The following PPP2R5C variants were observed in gnomAD, a reference collection of about 807,000 sequenced individuals.
PPP2R5C encodes the protein protein phosphatase 2 regulatory subunit B'gamma.
Under a neutral mutation model 68.9 loss-of-function variants are expected in PPP2R5C, and 7 were observed. The ratio of observed to expected loss-of-function variants is 0.10; its 90% CI spans 0.06 to 0.19. The LOEUF (loss-of-function observed/expected upper bound fraction) is 0.19, where lower values mean the gene tolerates loss of function less well. PPP2R5C is among the 10% of genes least tolerant of loss of function. PPP2R5C has a pLI of 1.00. For synonymous variants in PPP2R5C, 210 were observed against 222.2 expected (o/e 0.95, Z 0.49); for missense variants, 348 against 641.3 (o/e 0.54, Z 4.94).
intron 2 of PPP2R5C, among the ~76,000 whole-genome samples, chr14:101,876,555 T>C (rs1254413854): frequency 1.3e-5 from 2 of 152,256 alleles, no homozygotes; most frequent in Non-Finnish European, 2.9e-5. Context: ...TGCTGAATTG[T>C]AAGAATTTTC....
chr14:101,882,113 A>G lies in PPP2R5C; in HGVS notation c.295-48A>G, dbSNP rs368687967. 4 of 1,418,242 alleles carry G rather than the reference A, an allele frequency of 2.8e-6. No homozygotes were observed. Among genetic ancestry groups the G allele is most frequent in the African/African-American group, 2.9e-5 (2 of 69,612 alleles). 87.9% of individuals were successfully genotyped at this position (1,418,242 alleles called of 1,614,324 possible). ...TAAGACTTTATAAAATGTTGTCTGT[A>G]AATATTTTAAATGCCCTGATTGTAA... is the stretch of plus-strand genomic sequence containing the variant. On this transcript the variant is annotated intron_variant, in intron 2 of 13. Transcript: ENST00000334743. The surrounding 1 kb of genome is among the most constrained non-coding windows in gnomAD (Gnocchi z 4.9).
At chr14:101,836,497 G>C in intron 1 of PPP2R5C, 1 of 608,950 alleles carries the variant, frequency 1.6e-6, no homozygotes, top group Non-Finnish European at 3.0e-6. Flanking sequence ...TCTCATGCCA[G>C]GATCTGCAGA....
chr14:101,858,892 C>G (rs1013539135), intron 2 of PPP2R5C, among the ~76,000 whole-genome samples: 7 of 152,180 alleles, frequency 4.6e-5, no homozygotes, highest in Non-Finnish European at 7.4e-5. Context: ...GTTTGTATTT[C>G]ACAGTAGCAG....
upstream of PPP2R5C, among the ~76,000 whole-genome samples, chr14:101,761,322 C>T (rs894622365): frequency 2.0e-5 from 3 of 152,114 alleles, no homozygotes; most frequent in South Asian, 2.1e-4. Flanking sequence ...CTGTCTTGCG[C>T]CTCCACAGCG....
chr14:101,879,437 T>C lies in PPP2R5C; in HGVS notation c.295-2724T>C, dbSNP rs935308529. The stretch of plus-strand genomic sequence containing the variant: ...TACGGCTCCTGCTCTGGCCTCTGTA[T>C]CCCTGATGGGCAGCCCCAGAAACCT... On this transcript the variant is annotated intron_variant, in intron 2 of 13. Coordinates refer to ENST00000334743, the Ensembl canonical transcript of PPP2R5C. The surrounding 1 kb of genome is among the most constrained non-coding windows in gnomAD (Gnocchi z 4.2). 6.6e-6 allele frequency: 1 copy of C among 152,586 alleles called. No homozygotes were observed. The highest frequency in any genetic ancestry group is 1.5e-5 in the Non-Finnish European group (1 of 68,386). The allele number at this position is 152,586 out of a possible 1,614,324, so 9.5% of individuals were successfully genotyped here. A position where few individuals can be genotyped will look rare whatever the true frequency, so the allele number is the denominator to read the frequency against.
chr14:101,824,392 G>A (rs1223989362), intron 1 of PPP2R5C: 10 of 266,924 alleles, frequency 3.7e-5, no homozygotes, highest in Non-Finnish European at 7.5e-5. Flanking sequence ...GTGTACAATT[G>A]AAGTGATGTT....
intron 3 of PPP2R5C, among the ~76,000 whole-genome samples, chr14:101,800,653 A>T (rs979144776): frequency 7.9e-5 from 9 of 113,984 alleles, no homozygotes; most frequent in Non-Finnish European, 1.2e-4. Context: ...AGCAATACCA[A>T]AAAAAAAAAA....
At chr14:101,889,799 C>G (rs2044744327) in intron 5 of PPP2R5C, 1 of 362,734 alleles carries the variant, frequency 2.8e-6, no homozygotes, top group Non-Finnish European at 5.4e-6. Flanking sequence ...ATATTGCGGG[C>G]TTTAAAATTA....
chr14:101,904,843 C>T (rs1487087269), intron 9 of PPP2R5C, among the ~76,000 whole-genome samples: 1 of 152,212 alleles, frequency 6.6e-6, no homozygotes, highest in Non-Finnish European at 1.5e-5. Context: ...AGCTCCTCTT[C>T]CCAGAGGCAT....
At position 101,815,817 on chromosome 14, in the gene PPP2R5C, A is replaced by C. The variant is rs543223365; in HGVS notation, c.94+5781A>C. On this transcript the variant is annotated intron_variant, in intron 1 of 13. Coordinates refer to ENST00000334743, the Ensembl canonical transcript of PPP2R5C. ...CCCGAGTAGCTGGGATTACAGGTGC[A>C]TGCCACCACGCCCGGCTATTTTTTG... Among the ~76,000 whole-genome samples, 100 of 152,180 alleles carry C rather than the reference A, an allele frequency of 6.6e-4. 1 individual carries two copies. Among genetic ancestry groups the C allele is most frequent in the South Asian group, 2.7e-3 (13 of 4,826 alleles).
intron 1 of PPP2R5C, chr14:101,823,723 A>C: frequency 9.7e-7 from 1 of 1,027,218 alleles, no homozygotes; most frequent in Non-Finnish European, 1.2e-6. Flanking sequence ...ATACCGGACC[A>C]GCACTTGGGT....
At chr14:101,857,395 C>T (rs2042484916) in intron 2 of PPP2R5C, among the ~76,000 whole-genome samples, 1 of 152,100 alleles carries the variant, frequency 6.6e-6, no homozygotes, top group African/African-American at 2.4e-5. Flanking sequence ...CAGGACAGCC[C>T]ATGCTGATTG....
At chr14:101,830,013 C>T (rs2040641872) in intron 1 of PPP2R5C, among the ~76,000 whole-genome samples, 1 of 152,004 alleles carries the variant, frequency 6.6e-6, no homozygotes, top group African/African-American at 2.4e-5. Context: ...GCTTAGCTTT[C>T]CTGCCTAGTA....
intron 1 of PPP2R5C, chr14:101,843,556 C>G (rs1257160242): frequency 1.7e-5 from 3 of 176,064 alleles, no homozygotes; most frequent in Non-Finnish European, 3.6e-5. Context: ...GAACTAGGTT[C>G]TTCTGGTGTT....
intron 2 of PPP2R5C, among the ~76,000 whole-genome samples, chr14:101,785,386 G>A (rs112837440): frequency 2.4e-4 from 36 of 152,302 alleles, no homozygotes; most frequent in African/African-American, 7.0e-4. Flanking sequence ...CAGCAGGGTC[G>A]TGATGGCTCT....
At chr14:101,849,080 G>A (rs1357723299) in intron 1 of PPP2R5C, among the ~76,000 whole-genome samples, 2 of 152,200 alleles carry the variant, frequency 1.3e-5, no homozygotes, top group African/African-American at 4.8e-5. Context: ...TCCATATTGT[G>A]TATAGCTGTA....
At chr14:101,794,156 C>T (rs985912405) in intron 3 of PPP2R5C, among the ~76,000 whole-genome samples, 1 of 152,192 alleles carries the variant, frequency 6.6e-6, no homozygotes, top group African/African-American at 2.4e-5. Flanking sequence ...CTAGGGCCCT[C>T]ACAAGGGACG....
chr14:101,904,130 GTGGATGGA>G (rs952109464), intron 9 of PPP2R5C, among the ~76,000 whole-genome samples: 1 of 152,098 alleles, frequency 6.6e-6, no homozygotes, highest in Non-Finnish European at 1.5e-5. Flanking sequence ...TGGTGGGTGG[GTGGATGGA>G]TGGATGGATG....
At chr14:101,774,505 CAGTCTCTG>C (rs1176890623) in intron 2 of PPP2R5C, among the ~76,000 whole-genome samples, 2 of 152,204 alleles carry the variant, frequency 1.3e-5, no homozygotes, top group Non-Finnish European at 2.9e-5. Context: ...CTGCTATACC[CAGTCTCTG>C]AGTGCGTGGC....
Sources: gnomAD v4.1 joint callset for allele counts (sites outside exome capture counted in the v4.1 genomes callset) on GRCh38, gnomAD v4.1.1 for gene constraint, Gnocchi (gnomAD v3.1) non-coding constraint, MANE v1.5 for transcripts, NCBI Gene and HGNC (gene_info 2026-07-23, HGNC 2026-07-21) for gene names.